The following NRXN3 variants were observed in gnomAD, a reference collection of about 807,000 sequenced individuals.
The protein encoded by NRXN3 is neurexin III.
In NRXN3, 32 loss-of-function variants were observed where a neutral mutation model predicts 137.6. That is an observed-to-expected ratio of 0.23 (90% CI 0.18 to 0.31). The LOEUF is 0.31. NRXN3 is among the 10% of genes least tolerant of loss of function. NRXN3 has a pLI of 1.00. For synonymous variants in NRXN3, 798 were observed against 784.5 expected (o/e 1.02, Z -0.29); for missense variants, 1,574 against 2,062.5 (o/e 0.76, Z 4.59).
chr14:78,786,959 ACT>A (rs2098790892), intron 8 of NRXN3, among the ~76,000 whole-genome samples: 2 of 152,172 alleles, frequency 1.3e-5, no homozygotes, highest in East Asian at 1.9e-4. Flanking sequence ...TTTCTTTCTA[ACT>A]CTAAATTTCT....
At chr14:79,618,091 A>G (rs1477622984) in intron 16 of NRXN3, among the ~76,000 whole-genome samples, 1 of 151,938 alleles carries the variant, frequency 6.6e-6, no homozygotes, top group Non-Finnish European at 1.5e-5. Context: ...GTCTCTGATG[A>G]GTTTTGAAGA....
intron 4 of NRXN3, among the ~76,000 whole-genome samples, chr14:78,373,787 A>G (rs2087295985): frequency 6.6e-6 from 1 of 152,148 alleles, no homozygotes; most frequent in Non-Finnish European, 1.5e-5. Context: ...TTGAGATGAA[A>G]TTGATAAGGA....
intron 15 of NRXN3, among the ~76,000 whole-genome samples, chr14:79,193,913 T>A (rs1011290435): frequency 2.0e-5 from 3 of 152,216 alleles, no homozygotes; most frequent in African/African-American, 7.2e-5. Context: ...AAGACTGCAA[T>A]GTTCAGAATG....
At chr14:78,707,706 A>T (rs535095839) in intron 6 of NRXN3, among the ~76,000 whole-genome samples, 5 of 152,114 alleles carry the variant, frequency 3.3e-5, no homozygotes, top group Non-Finnish European at 1.5e-5. Context: ...CCTCACCCTC[A>T]TCACACCCTT....
At chr14:78,752,348 G>A (rs1010367497) in intron 8 of NRXN3, among the ~76,000 whole-genome samples, 8 of 152,184 alleles carry the variant, frequency 5.3e-5, no homozygotes, top group Admixed American at 1.3e-4. Context: ...CCCAGGAGGC[G>A]GAGGTTGCAG....
intron 20 of NRXN3, among the ~76,000 whole-genome samples, chr14:79,807,997 T>C (rs1316151420): frequency 6.6e-6 from 1 of 152,032 alleles, no homozygotes; most frequent in Non-Finnish European, 1.5e-5. Flanking sequence ...TATCAAGCCC[T>C]CTTTTTCATT....
At position 78,297,700 on chromosome 14, in the gene NRXN3, G is replaced by A. The variant is rs142954713; in HGVS notation, c.728-131G>A. The A allele has an allele frequency of 8.9e-4, 629 of 707,598 alleles. 6 individuals are homozygous for A. The African/African-American group carries it at 9.1e-3, about 10-fold the overall frequency. The allele number at this position is 707,598 out of a possible 1,614,324, so 43.8% of individuals were successfully genotyped here. ...GAGTCTGACATGTGAGCAAGCGTGCGGCCCCTGTCACTCCTTTTTCCACTC... is the reference window on the plus strand; with the variant it reads ...GAGTCTGACATGTGAGCAAGCGTGCAGCCCCTGTCACTCCTTTTTCCACTC... On this transcript the variant is annotated intron_variant, in intron 3 of 20. Transcript: ENST00000335750.
intron 15 of NRXN3, among the ~76,000 whole-genome samples, chr14:79,065,599 T>C (rs2099679792): frequency 6.6e-6 from 1 of 152,126 alleles, no homozygotes; most frequent in Non-Finnish European, 1.5e-5. Context: ...TTCTGGAGAC[T>C]AGAAGTATGA....
chr14:79,332,345 T>G (rs2091810107), intron 15 of NRXN3, among the ~76,000 whole-genome samples: 1 of 152,188 alleles, frequency 6.6e-6, no homozygotes, highest in African/African-American at 2.4e-5. Flanking sequence ...GCTGAAAAAT[T>G]TGGCATGGCC....
chr14:79,490,763 G>C (rs555188978), intron 16 of NRXN3, among the ~76,000 whole-genome samples: 2 of 152,036 alleles, frequency 1.3e-5, no homozygotes, highest in African/African-American at 4.8e-5. Context: ...AGCACAACAG[G>C]GTGACTGTAG....
At chr14:78,890,853 G>A in intron 10 of NRXN3, among the ~76,000 whole-genome samples, 1 of 151,874 alleles carries the variant, frequency 6.6e-6, no homozygotes, top group Non-Finnish European at 1.5e-5. Context: ...GTTTCTGGCT[G>A]TGGGATGGAT....
chr14:79,147,627 C>A (rs2153019785), intron 15 of NRXN3, among the ~76,000 whole-genome samples: 2 of 152,178 alleles, frequency 1.3e-5, no homozygotes, highest in South Asian at 4.2e-4. Context: ...AGGCAAGACC[C>A]CCTCCAACTT....
intron 17 of NRXN3, among the ~76,000 whole-genome samples, chr14:79,685,968 G>T (rs1370084861): frequency 6.6e-6 from 1 of 152,182 alleles, no homozygotes; most frequent in Non-Finnish European, 1.5e-5. Context: ...CTCCGGCATG[G>T]TTCCATTCCC....
intron 2 of NRXN3, among the ~76,000 whole-genome samples, chr14:78,246,433 C>G (rs1223468049): frequency 2.6e-5 from 4 of 152,092 alleles, no homozygotes; most frequent in African/African-American, 9.7e-5. Context: ...ATACCCCTAT[C>G]TGTAGAAGGC....
intron 15 of NRXN3, among the ~76,000 whole-genome samples, chr14:79,040,290 G>T (rs1271703407): frequency 6.6e-6 from 1 of 152,174 alleles, no homozygotes; most frequent in Non-Finnish European, 1.5e-5. Flanking sequence ...AAAAATTAAT[G>T]TATACCTGAA....
chr14:79,047,772 C>T (rs1425138493), intron 15 of NRXN3, among the ~76,000 whole-genome samples: 7 of 152,094 alleles, frequency 4.6e-5, no homozygotes, highest in African/African-American at 1.4e-4. Flanking sequence ...ATTTAAAAGA[C>T]GGACAACACC....
intron 10 of NRXN3, among the ~76,000 whole-genome samples, chr14:78,839,278 T>A (rs2099005519): frequency 6.6e-6 from 1 of 152,158 alleles, no homozygotes. Context: ...GAAAGAGGGA[T>A]GTGCCAAAGA....
At chr14:78,284,947 G>A (rs145269497) in intron 3 of NRXN3, among the ~76,000 whole-genome samples, 111 of 152,330 alleles carry the variant, frequency 7.3e-4, no homozygotes, top group African/African-American at 2.6e-3. Context: ...TGCATCCTTT[G>A]CCCAAGGTCA....
chr14:79,848,277 A>T (rs2099384483), intron 20 of NRXN3, among the ~76,000 whole-genome samples: 2 of 152,194 alleles, frequency 1.3e-5, no homozygotes, highest in South Asian at 4.1e-4. Flanking sequence ...CCCTGTTCTT[A>T]GTCTTGCCAC....
Sources: allele counts gnomAD v4.1 joint callset (sites outside exome capture counted in the v4.1 genomes callset), GRCh38; gene constraint gnomAD v4.1.1; transcripts MANE v1.5; gene names NCBI Gene and HGNC (gene_info 2026-07-23, HGNC 2026-07-21).